Variants in LYST observed in about 807,000 individuals in gnomAD.
LYST encodes the protein lysosomal trafficking regulator.
A neutral mutation model predicts 413.6 loss-of-function variants in LYST; 192 were observed. The ratio of observed to expected loss-of-function variants is 0.46; its 90% CI spans 0.41 to 0.52. LYST has a LOEUF of 0.52. Among genes scored for constraint, LYST ranks in the 20% least tolerant of loss-of-function variants. LYST has a pLI of 0.00. For synonymous variants in LYST, 1,525 were observed against 1,567.3 expected (o/e 0.97, Z 0.64); for missense variants, 3,815 against 4,499.9 (o/e 0.85, Z 4.35).
At chr1:235,820,762 G>A (rs968416698) in intron 3 of LYST, among the ~76,000 whole-genome samples, 2 of 152,054 alleles carry the variant, frequency 1.3e-5, no homozygotes, top group East Asian at 3.8e-4. Flanking sequence ...TATGTGTATG[G>A]ACTATTTAAG....
chr1:235,737,827 A>C, intron 31 of LYST: 1 of 898,670 alleles, frequency 1.1e-6, no homozygotes, highest in Middle Eastern at 5.2e-4. Context: ...TCCAAAAATT[A>C]ATAAACAGGG....
At chr1:235,702,446 CTATTATGTCA>C (rs1186094793) in intron 45 of LYST, among the ~76,000 whole-genome samples, 2 of 152,186 alleles carry the variant, frequency 1.3e-5, no homozygotes, top group Non-Finnish European at 2.9e-5. Flanking sequence ...TTGAAAAATC[CTATTATGTCA>C]CTGCCCTGCG....
In LYST at chr1:235,780,792, A is replaced by T. The variant is rs576769578; in HGVS notation, c.5214+73T>A. 9 of 526,464 alleles carry T rather than the reference A, an allele frequency of 1.7e-5. No homozygotes were observed. The Admixed American group carries it at 3.6e-4, about 21-fold the overall frequency. 32.6% of individuals were successfully genotyped at this position (526,464 alleles called of 1,614,324 possible). A position where few individuals can be genotyped will look rare whatever the true frequency, so the allele number is the denominator to read the frequency against. ...ATTAAAATCTTTAGAAATCTAATTC[A>T]TAACTATACATTACAATAAATATAC... On this transcript the variant is annotated intron_variant, in intron 16 of 52. Coordinates refer to ENST00000389793, the MANE Select transcript of LYST (RefSeq NM_000081.4).
chr1:235,780,387 G>C (rs895039848), intron 16 of LYST, among the ~76,000 whole-genome samples: 1 of 151,288 alleles, frequency 6.6e-6, no homozygotes. Context: ...CTGGGTGACA[G>C]AGTGAAATCC....
At chr1:235,807,567 G>A (rs1391313843) in intron 5 of LYST, among the ~76,000 whole-genome samples, 1 of 152,110 alleles carries the variant, frequency 6.6e-6, no homozygotes, top group Non-Finnish European at 1.5e-5. Context: ...ATCAATAATA[G>A]TTTTAAAGTA....
rs368551452 is a variant in LYST, at chr1:235,804,376, ACTGAACTCAT to A, written c.3555+118_3555+127del. The stretch of plus-strand genomic sequence containing the variant: ...TATCCATCACGAGGAGATAAGATCC[ACTGAACTCAT>A]CTGACCAAGTCCTAGTCCATATGCT... On this transcript the variant is annotated intron_variant, in intron 7 of 52. Coordinates refer to ENST00000389793, the MANE Select transcript of LYST (RefSeq NM_000081.4). 6.8e-4 allele frequency: 528 copies of A among 770,810 alleles called. 1 individual carries two copies. In the African/African-American group the frequency reaches 7.3e-3, roughly 11 times the overall value. 47.7% of individuals were successfully genotyped at this position (770,810 alleles called of 1,614,324 possible).
chr1:235,848,198 G>A (rs907391820), intron 1 of LYST, among the ~76,000 whole-genome samples: 1 of 151,996 alleles, frequency 6.6e-6, no homozygotes, highest in Admixed American at 6.6e-5. Context: ...AGACCACAGC[G>A]GCATAAAACT....
chr1:235,805,712 C>A (rs1283971879), intron 6 of LYST, 31 bp downstream of exon 6: 8 of 1,411,834 alleles, frequency 5.7e-6, no homozygotes, highest in Non-Finnish European at 8.0e-6. Flanking sequence ...ATATATATTA[C>A]ATAAGAGTTG....
intron 1 of LYST, among the ~76,000 whole-genome samples, chr1:235,877,363 G>C (rs771034041): frequency 6.6e-6 from 1 of 152,122 alleles, no homozygotes; most frequent in Non-Finnish European, 1.5e-5. Context: ...AGGAATCATG[G>C]GAACACAGAA....
intron 20 of LYST, among the ~76,000 whole-genome samples, chr1:235,769,550 TA>T (rs1001641880): frequency 2.0e-5 from 3 of 151,826 alleles, no homozygotes; most frequent in Admixed American, 6.6e-5. Context: ...CCTTAGACAT[TA>T]AAAAAAACTT....
In LYST at chr1:235,808,880, T is replaced by G; in HGVS notation, c.1938A>C (p.Gln646His). Residue 646 changes from glutamine to histidine, a missense_variant, in exon 5 of 53, where the codon CAA (glutamine) becomes CAC (histidine). Transcript: ENST00000389793. ...ACNICTVDSD[Q>H]LAQLEETLQG... ...GCAGTGTCTCTTCTAATTGGGCTAG[T>G]TGGTCAGAGTCAACAGTACAAATAT... is the stretch of plus-strand genomic sequence containing the variant. 1.2e-6 allele frequency: 2 copies of G among 1,614,014 alleles called. No individual in the cohort carries two copies. The highest frequency in any genetic ancestry group is 2.2e-5 in the South Asian group (2 of 91,084).
chr1:235,828,645 T>A (rs983115605), intron 3 of LYST: 45 of 407,984 alleles, frequency 1.1e-4, no homozygotes, highest in African/African-American at 9.5e-4. Context: ...ACATATTTTA[T>A]TAGAGTCATT....
At chr1:235,726,578 G>A (rs1663893401) in intron 38 of LYST, among the ~76,000 whole-genome samples, 3 of 151,952 alleles carry the variant, frequency 2.0e-5, no homozygotes, top group Admixed American at 2.0e-4. Flanking sequence ...TGTTATATAA[G>A]AAGAACCAAC....
chr1:235,742,643 G>T (rs1431679289), intron 30 of LYST, among the ~76,000 whole-genome samples: 1 of 150,570 alleles, frequency 6.6e-6, no homozygotes, highest in African/African-American at 2.4e-5. Flanking sequence ...CCTAAGCCAT[G>T]AAAAAATTAC....
At chr1:235,791,094 G>T (rs1049886881) in intron 12 of LYST, among the ~76,000 whole-genome samples, 2 of 152,106 alleles carry the variant, frequency 1.3e-5, no homozygotes, top group Non-Finnish European at 2.9e-5. Context: ...GACCAGCCTG[G>T]CCAACATGGT....
intron 13 of LYST, among the ~76,000 whole-genome samples, chr1:235,788,143 T>C (rs960806655): frequency 6.6e-6 from 1 of 151,996 alleles, no homozygotes; most frequent in African/African-American, 2.4e-5. Flanking sequence ...TATTTACTCA[T>C]TTATTTTTTG....
chr1:235,809,164 C>A lies in LYST; in HGVS notation c.1654G>T (p.Val552Leu). 2.5e-6 allele frequency: 4 copies of A among 1,614,096 alleles called. No homozygotes were observed. In the South Asian group the frequency reaches 3.3e-5, roughly 13 times the overall value. Residue 552 changes from valine to leucine, a missense_variant, in exon 5 of 53, where the codon GTG becomes TTG. Coordinates refer to ENST00000389793, the MANE Select transcript of LYST (RefSeq NM_000081.4). This position sits in a 1 kb window ranked among gnomAD's most constrained non-coding sequence, Gnocchi z 4.0. ...AAGCGCAAGCACTGATGGGCACACACTGCAATGCAACAGCACCGCTCAGGA... is the reference window on the plus strand; with the variant it reads ...AAGCGCAAGCACTGATGGGCACACAATGCAATGCAACAGCACCGCTCAGGA... ...YYPERCCCIA[V>L]CAHQCLRLLQ... is the part of the protein sequence containing the mutation.
chr1:235,781,089 A>T (rs1307297913), intron 15 of LYST, 34 bp from the exon 16 acceptor site: 1 of 1,317,760 alleles, frequency 7.6e-7, no homozygotes, highest in African/African-American at 1.4e-5. Context: ...AGTTATTTAA[A>T]ACACCCTAAC....
chr1:235,855,749 T>C lies in LYST; in HGVS notation c.-98+11094A>G, dbSNP rs1572467192. Among the ~76,000 whole-genome samples, 7 of 151,952 alleles carry C rather than the reference T, an allele frequency of 4.6e-5. 2 individuals carry two copies. Among genetic ancestry groups the C allele is most frequent in the Admixed American group, 4.6e-4 (7 of 15,292 alleles). On this transcript the variant is annotated intron_variant, in intron 1 of 52. Transcript: ENST00000389793. ...TTAGAAGATTCTGCAAAATAAGTTTTAGACATACTGAACACAGATATTTAT... is the reference window on the plus strand; with the variant it reads ...TTAGAAGATTCTGCAAAATAAGTTTCAGACATACTGAACACAGATATTTAT...
Sources: allele counts gnomAD v4.1 joint callset (sites outside exome capture counted in the v4.1 genomes callset), GRCh38; gene constraint gnomAD v4.1.1; non-coding constraint Gnocchi (gnomAD v3.1); transcripts MANE v1.5; gene names NCBI Gene and HGNC (gene_info 2026-07-23, HGNC 2026-07-21).